The following HS6ST3 variants were observed in gnomAD, a reference collection of about 807,000 sequenced individuals.
HS6ST3 encodes heparan-sulfate 6-O-sulfotransferase 3.
HS6ST3 carries 12 observed loss-of-function variants against 36.7 expected under a neutral mutation model. That is an observed-to-expected ratio of 0.33 (90% CI 0.21 to 0.53). The LOEUF (loss-of-function observed/expected upper bound fraction) is 0.53, where lower values mean the gene tolerates loss of function less well. Among genes scored for constraint, HS6ST3 ranks in the 20% least tolerant of loss-of-function variants. The probability of loss-of-function intolerance (pLI) is 0.95; values close to 1 mark genes in which losing one functional copy is unlikely to be tolerated. For missense variants in HS6ST3, 584 were observed against 640.9 expected, an observed-to-expected ratio of 0.91 and a Z score of 0.96; for synonymous variants, 240 against 257.5, an observed-to-expected ratio of 0.93 and a Z score of 0.65.
intron 1 of HS6ST3, among the ~76,000 whole-genome samples, chr13:96,130,353 G>A (rs1170734330): frequency 6.6e-6 from 1 of 152,124 alleles, no homozygotes; most frequent in Admixed American, 6.5e-5. Context: ...GAGACAGTGG[G>A]AATATTGTTG....
intron 1 of HS6ST3, among the ~76,000 whole-genome samples, chr13:96,694,172 C>A (rs755309693): frequency 2.9e-4 from 44 of 152,200 alleles, no homozygotes; most frequent in Middle Eastern, 6.8e-3. Context: ...TCTCCTCCCA[C>A]CCTCCATCCT....
At chr13:96,381,410 G>GTATCTATCTATCTATC (rs78957056) in intron 1 of HS6ST3, among the ~76,000 whole-genome samples, 1,561 of 138,670 alleles carry the variant, frequency 0.011, 39 homozygotes, top group African/African-American at 0.034. Context: ...ATGTATCTAT[G>GTATCTATCTATCTATC]TATCTATCTA....
At chr13:96,453,560 C>T (rs1198574050) in intron 1 of HS6ST3, among the ~76,000 whole-genome samples, 2 of 152,296 alleles carry the variant, frequency 1.3e-5, no homozygotes, top group African/African-American at 4.8e-5. Context: ...ATAACCAGGC[C>T]GTGCCTCAAT....
intron 1 of HS6ST3, among the ~76,000 whole-genome samples, chr13:96,525,682 A>G (rs555594171): frequency 4.6e-5 from 7 of 152,230 alleles, no homozygotes; most frequent in Non-Finnish European, 5.9e-5. Flanking sequence ...TTTGCCACCT[A>G]GTTAGAATGC....
intron 1 of HS6ST3, among the ~76,000 whole-genome samples, chr13:96,618,689 G>C: frequency 6.6e-6 from 1 of 152,194 alleles, no homozygotes; most frequent in South Asian, 2.1e-4. Flanking sequence ...ACGCATGGAA[G>C]AGGACTGACA....
At chr13:96,235,990 CAGTGCAGCCT>C (rs1365148532) in intron 1 of HS6ST3, among the ~76,000 whole-genome samples, 1 of 152,188 alleles carries the variant, frequency 6.6e-6, no homozygotes, top group African/African-American at 2.4e-5. Flanking sequence ...CGGAAGCCAA[CAGTGCAGCCT>C]TCAGCCTGTG....
chr13:96,460,251 A>G (rs972582177), intron 1 of HS6ST3, among the ~76,000 whole-genome samples: 2 of 152,204 alleles, frequency 1.3e-5, no homozygotes, highest in South Asian at 4.1e-4. Context: ...ATCAGACAGG[A>G]AAGTCTAGCT....
At chr13:96,818,606 A>T (rs1878470951) in intron 1 of HS6ST3, among the ~76,000 whole-genome samples, 2 of 152,204 alleles carry the variant, frequency 1.3e-5, no homozygotes, top group Admixed American at 1.3e-4. Context: ...AAAGTTAAAG[A>T]TGGTATCTGT....
intron 1 of HS6ST3, among the ~76,000 whole-genome samples, chr13:96,415,040 C>T (rs185515235): frequency 6.6e-6 from 1 of 152,254 alleles, no homozygotes; most frequent in Non-Finnish European, 1.5e-5. Context: ...ATATTAATTA[C>T]TCAGAAATGT....
intron 1 of HS6ST3, among the ~76,000 whole-genome samples, chr13:96,104,979 A>T (rs1052144001): frequency 2.0e-5 from 3 of 151,630 alleles, no homozygotes; most frequent in Non-Finnish European, 4.4e-5. Context: ...AGTTATCAAG[A>T]TTGGAAAGGA....
intron 1 of HS6ST3, among the ~76,000 whole-genome samples, chr13:96,697,370 C>T (rs1566432238): frequency 6.6e-6 from 1 of 151,726 alleles, no homozygotes; most frequent in Non-Finnish European, 1.5e-5. Context: ...AATCCATGTA[C>T]TCTAACATAT....
intron 1 of HS6ST3, among the ~76,000 whole-genome samples, chr13:96,316,123 A>G (rs1212079285): frequency 6.6e-6 from 1 of 152,196 alleles, no homozygotes; most frequent in Non-Finnish European, 1.5e-5. Flanking sequence ...GTGGACCACT[A>G]TAGACGTATA....
intron 1 of HS6ST3, among the ~76,000 whole-genome samples, chr13:96,641,956 A>G (rs2056571776): frequency 6.6e-6 from 1 of 151,812 alleles, no homozygotes; most frequent in African/African-American, 2.4e-5. Context: ...TCTTTTTTTA[A>G]ATGTACCTAT....
intron 1 of HS6ST3, among the ~76,000 whole-genome samples, chr13:96,684,772 A>G (rs1874724082): frequency 6.6e-6 from 1 of 152,072 alleles, no homozygotes; most frequent in African/African-American, 2.4e-5. Context: ...ACAGCTAATT[A>G]CAATGCACTT....
rs1459155432 is a variant in HS6ST3, at chr13:96,782,417, C to T, written c.708-50073C>T. Among the ~76,000 whole-genome samples, 8 of 152,188 alleles carry T rather than the reference C, an allele frequency of 5.3e-5. No homozygotes were observed. In the East Asian group the frequency reaches 1.5e-3, roughly 29 times the overall value. Reference sequence around the variant, plus strand: ...ACTCTTTCCTTGCATATGGGTGTGGCTTGTGGGCTGCTAGGTGGTCACTTG... The same window carrying T: ...ACTCTTTCCTTGCATATGGGTGTGGTTTGTGGGCTGCTAGGTGGTCACTTG... On this transcript the variant is annotated intron_variant, in intron 1 of 1. Transcript: ENST00000376705.
At chr13:96,211,023 T>C (rs2054396565) in intron 1 of HS6ST3, among the ~76,000 whole-genome samples, 1 of 152,062 alleles carries the variant, frequency 6.6e-6, no homozygotes, top group Admixed American at 6.6e-5. Flanking sequence ...CTCCACTTCC[T>C]GGGTTCAATT....
chr13:96,773,022 T>C lies in HS6ST3; in HGVS notation c.708-59468T>C, dbSNP rs573052649. On this transcript the variant is annotated intron_variant, in intron 1 of 1. Coordinates refer to ENST00000376705, the MANE Select transcript of HS6ST3 (RefSeq NM_153456.4). ...TGGGTCCACAGAGGGTGAGCTGAAG[T>C]GGGGGAGGGGTGTGTCACCTCACCC... 6.4e-4 allele frequency among the ~76,000 whole-genome samples: 97 copies of C among 152,114 alleles called. 2 individuals are homozygous for C. Among genetic ancestry groups the C allele is most frequent in the African/African-American group, 2.2e-3 (92 of 41,502 alleles).
At chr13:96,523,598 T>C (rs954157882) in intron 1 of HS6ST3, among the ~76,000 whole-genome samples, 1 of 152,202 alleles carries the variant, frequency 6.6e-6, no homozygotes, top group African/African-American at 2.4e-5. Context: ...TATTGTCTTC[T>C]TTCTTTATTT....
chr13:96,162,196 A>T (rs529876973), intron 1 of HS6ST3, among the ~76,000 whole-genome samples: 1 of 152,328 alleles, frequency 6.6e-6, no homozygotes, highest in Admixed American at 6.5e-5. Flanking sequence ...ATTTTAAAAA[A>T]TTTAAGTGAC....
Sources: allele counts gnomAD v4.1 joint callset (sites outside exome capture counted in the v4.1 genomes callset), GRCh38; gene constraint gnomAD v4.1.1; transcripts MANE v1.5; gene names NCBI Gene and HGNC (gene_info 2026-07-23, HGNC 2026-07-21).